The following ACOXL variants were observed in gnomAD, a reference collection of about 807,000 sequenced individuals.
ACOXL encodes the protein acyl-coenzyme A oxidase-like protein.
Under a neutral mutation model 71.9 loss-of-function variants are expected in ACOXL, and 70 were observed. The observed-to-expected ratio is 0.97, with a 90% CI of 0.80 to 1.19. ACOXL has a LOEUF of 1.19. Among genes scored for constraint, ACOXL ranks in the 50% most tolerant of loss-of-function variants. The pLI is 0.00. For synonymous variants in ACOXL, 253 were observed against 281.6 expected (o/e 0.90, Z 1.02); for missense variants, 703 against 736.3 (o/e 0.95, Z 0.52).
In ACOXL at chr2:110,746,222, T is replaced by C. The variant is rs574191530; in HGVS notation, c.-23+13448T>C. 5.3e-5 allele frequency among the ~76,000 whole-genome samples: 8 copies of C among 152,294 alleles called. No homozygotes were observed. The South Asian group carries it at 1.2e-3, about 24-fold the overall frequency. ...ACTCCGATTGCCGTCCTTCTCTTCA[T>C]AACAATGCCTTTACGGAACATATGC... is the stretch of plus-strand genomic sequence containing the variant. On this transcript the variant is annotated intron_variant, in intron 1 of 17. Coordinates refer to ENST00000439055, the MANE Select transcript of ACOXL (RefSeq NM_001142807.4).
At chr2:110,911,163 A>G (rs1021152132) in intron 11 of ACOXL, among the ~76,000 whole-genome samples, 2 of 152,144 alleles carry the variant, frequency 1.3e-5, no homozygotes, top group South Asian at 4.1e-4. Context: ...GAAACAAACT[A>G]CCAAAATATA....
At chr2:111,086,333 A>T (rs2068204549) in intron 16 of ACOXL, among the ~76,000 whole-genome samples, 2 of 152,228 alleles carry the variant, frequency 1.3e-5, no homozygotes. Flanking sequence ...TTAGCAAATC[A>T]AATCCAGCAG....
intron 10 of ACOXL, among the ~76,000 whole-genome samples, chr2:110,849,034 C>G (rs1267509588): frequency 6.6e-6 from 1 of 152,228 alleles, no homozygotes; most frequent in African/African-American, 2.4e-5. Flanking sequence ...GACCAGTGAA[C>G]TCACCCTCCA....
At chr2:110,982,400 C>T (rs2062747843) in intron 12 of ACOXL, among the ~76,000 whole-genome samples, 2 of 152,112 alleles carry the variant, frequency 1.3e-5, no homozygotes. Flanking sequence ...CTCTCTTCCT[C>T]TCCTCTATTC....
At chr2:110,775,156 C>T (rs1682483226) in intron 2 of ACOXL, among the ~76,000 whole-genome samples, 1 of 152,120 alleles carries the variant, frequency 6.6e-6, no homozygotes, top group Admixed American at 6.5e-5. Context: ...ACAGCATATC[C>T]AAAATTTAAC....
chr2:110,969,388 G>A (rs1417905118), intron 12 of ACOXL, among the ~76,000 whole-genome samples: 2 of 152,138 alleles, frequency 1.3e-5, no homozygotes, highest in Admixed American at 6.6e-5. Flanking sequence ...CAAAAGGCTG[G>A]CTCTGAAAAG....
At chr2:110,993,872 T>C (rs2063283128) in intron 13 of ACOXL, among the ~76,000 whole-genome samples, 1 of 152,218 alleles carries the variant, frequency 6.6e-6, no homozygotes, top group Non-Finnish European at 1.5e-5. Context: ...ATTTCCCTGA[T>C]GTCTAATGAT....
chr2:110,953,513 A>G (rs2061398001), intron 12 of ACOXL, among the ~76,000 whole-genome samples: 1 of 152,090 alleles, frequency 6.6e-6, no homozygotes, highest in Non-Finnish European at 1.5e-5. Context: ...CAATAGATCA[A>G]GCTTCTTAGT....
chr2:110,973,062 A>G (rs147823030), intron 12 of ACOXL, among the ~76,000 whole-genome samples: 1 of 152,366 alleles, frequency 6.6e-6, no homozygotes, highest in African/African-American at 2.4e-5. Context: ...TAGCAGTCTC[A>G]GGCCTTTCAT....
intron 10 of ACOXL, among the ~76,000 whole-genome samples, chr2:110,892,849 G>A (rs1698076881): frequency 6.6e-6 from 1 of 152,184 alleles, no homozygotes. Context: ...AATTGTCTGG[G>A]AAGAGGGAAT....
At chr2:110,963,667 CAG>C in intron 12 of ACOXL, 1 of 1,613,824 alleles carries the variant, frequency 6.2e-7, no homozygotes, top group Non-Finnish European at 8.5e-7. Context: ...AAGTGTGACA[CAG>C]ATGTGTTTGC....
chr2:110,808,493 G>A (rs1686933712), intron 9 of ACOXL, among the ~76,000 whole-genome samples: 1 of 152,114 alleles, frequency 6.6e-6, no homozygotes, highest in Admixed American at 6.5e-5. Flanking sequence ...CAGCCCCCTT[G>A]TCACTCCCTG....
intron 10 of ACOXL, among the ~76,000 whole-genome samples, chr2:110,907,824 G>A (rs915707070): frequency 1.3e-5 from 2 of 152,134 alleles, no homozygotes; most frequent in African/African-American, 4.8e-5. Context: ...ATAAGATTAT[G>A]TTTAAGAAAG....
chr2:110,800,365 C>T (rs1481190356), intron 7 of ACOXL, among the ~76,000 whole-genome samples: 1 of 152,178 alleles, frequency 6.6e-6, no homozygotes, highest in Non-Finnish European at 1.5e-5. Flanking sequence ...ATGCCTGTCT[C>T]CAAATTGCCC....
chr2:111,117,886 T>C lies in ACOXL; in HGVS notation c.*70T>C, dbSNP rs947362527. On this transcript the variant is annotated 3_prime_UTR_variant, in exon 18 of 18. Transcript: ENST00000439055. ...CGCTCGCTCCACCGACGCCCAGAGCTGTGGCCGAGGCCGGGGGCTGGCACC... is the reference window on the plus strand; with the variant it reads ...CGCTCGCTCCACCGACGCCCAGAGCCGTGGCCGAGGCCGGGGGCTGGCACC... The C allele has an allele frequency of 6.8e-7, 1 of 1,479,050 alleles. No individual in the cohort carries two copies. Among genetic ancestry groups the C allele is most frequent in the South Asian group, 1.3e-5 (1 of 77,264 alleles). The allele number at this position is 1,479,050 out of a possible 1,614,324, so 91.6% of individuals were successfully genotyped here. A position where few individuals can be genotyped will look rare whatever the true frequency, so the allele number is the denominator to read the frequency against.
At chr2:111,017,313 G>T (rs1482677836) in intron 14 of ACOXL, among the ~76,000 whole-genome samples, 1 of 152,210 alleles carries the variant, frequency 6.6e-6, no homozygotes, top group Admixed American at 6.5e-5. Flanking sequence ...CCATAGCGAG[G>T]AACTGTTCAG....
At chr2:110,909,976 A>G (rs150394176) in intron 11 of ACOXL, among the ~76,000 whole-genome samples, 65 of 152,138 alleles carry the variant, frequency 4.3e-4, no homozygotes, top group African/African-American at 1.5e-3. Context: ...ATGTTTCTGA[A>G]TGGTTTTTTT....
At chr2:110,798,959 C>A (rs1021617098) in intron 6 of ACOXL, 55 bp from the exon 7 acceptor site, 1 of 1,541,774 alleles carries the variant, frequency 6.5e-7, no homozygotes, top group Non-Finnish European at 9.0e-7. Flanking sequence ...TATTCCAGGA[C>A]ATGAGTAAAG....
Position 110,737,876 on chromosome 2 carries a change from C to T in ACOXL, c.-23+5102C>T, listed in dbSNP as rs1677060710. The stretch of plus-strand genomic sequence containing the variant: ...CCCAGGCTTTCTCTTTCTTGGTTAC[C>T]CTTTGTAGAAGCTTAGAGAGGACCA... On this transcript the variant is annotated intron_variant, in intron 1 of 17. Coordinates refer to ENST00000439055, the MANE Select transcript of ACOXL (RefSeq NM_001142807.4). 2.6e-5 allele frequency among the ~76,000 whole-genome samples: 4 copies of T among 152,280 alleles called. No homozygotes were observed. The South Asian group carries it at 6.2e-4, about 24-fold the overall frequency.
Sources: gnomAD v4.1 joint callset for allele counts (sites outside exome capture counted in the v4.1 genomes callset) on GRCh38, gnomAD v4.1.1 for gene constraint, MANE v1.5 for transcripts, NCBI Gene and HGNC (gene_info 2026-07-23, HGNC 2026-07-21) for gene names.